Variants in HPSE2 observed in about 807,000 individuals in gnomAD.
HPSE2 encodes the protein heparanase 2 (inactive), also known as inactive heparanase-2.
A neutral mutation model predicts 60.5 loss-of-function variants in HPSE2; 38 were observed. The ratio of observed to expected loss-of-function variants is 0.63; its 90% confidence interval spans 0.48 to 0.82. The LOEUF is 0.82. HPSE2 is among the 40% of genes least tolerant of loss of function. The pLI is 0.00. For missense variants in HPSE2, 713 were observed against 740.4 expected (o/e 0.96, Z 0.43); for synonymous variants, 295 against 293.2 (o/e 1.01, Z -0.06).
chr10:98,731,718 C>T (rs1344164035), intron 4 of HPSE2, among the ~76,000 whole-genome samples: 1 of 152,130 alleles, frequency 6.6e-6, no homozygotes, highest in African/African-American at 2.4e-5. Context: ...AAGGAGAAGA[C>T]AAGGATGTCT....
intron 9 of HPSE2, among the ~76,000 whole-genome samples, chr10:98,578,867 A>G (rs1944711977): frequency 6.6e-6 from 1 of 152,078 alleles, no homozygotes; most frequent in African/African-American, 2.4e-5. Context: ...AGAAACTCTC[A>G]AAGCTCAGTT....
At chr10:98,475,120 A>AT (rs56097343) in intron 11 of HPSE2, among the ~76,000 whole-genome samples, 4,292 of 141,282 alleles carry the variant, frequency 0.03, 241 homozygotes, top group African/African-American at 0.1. Context: ...CCACAATTCT[A>AT]TTTTTTTTTT....
intron 3 of HPSE2, among the ~76,000 whole-genome samples, chr10:99,005,836 A>G (rs1956879539): frequency 6.6e-6 from 1 of 152,122 alleles, no homozygotes; most frequent in South Asian, 2.1e-4. Context: ...CAGTCCATCC[A>G]GAGATTCTGA....
intron 2 of HPSE2, among the ~76,000 whole-genome samples, chr10:99,153,059 C>T (rs182022254): frequency 7.1e-4 from 108 of 152,322 alleles, no homozygotes; most frequent in African/African-American, 2.4e-3. Flanking sequence ...TAAAAAACTG[C>T]GCACCACGAG....
intron 9 of HPSE2, among the ~76,000 whole-genome samples, chr10:98,521,759 A>G (rs750814196): frequency 1.1e-4 from 17 of 152,232 alleles, no homozygotes; most frequent in Non-Finnish European, 2.1e-4. Context: ...GATAGACTGG[A>G]TTAAGATATG....
intron 9 of HPSE2, among the ~76,000 whole-genome samples, chr10:98,589,753 CTA>C (rs1421257013): frequency 6.6e-6 from 1 of 152,150 alleles, no homozygotes; most frequent in Non-Finnish European, 1.5e-5. Context: ...TGCAAGTTAC[CTA>C]TATTCCCTTC....
At chr10:98,483,474 T>C (rs903465546) in intron 10 of HPSE2, among the ~76,000 whole-genome samples, 3 of 152,236 alleles carry the variant, frequency 2.0e-5, no homozygotes, top group Non-Finnish European at 4.4e-5. Flanking sequence ...TTTTGATTAT[T>C]TCTGATGGAT....
rs1467922080 is a variant in HPSE2 at position 98,938,817 on chromosome 10, G to A, written c.611-194761C>T. On this transcript the variant is annotated intron_variant, in intron 3 of 11. Transcript: ENST00000370552. ...CCAAAGTTGAAATGAAGGAAAAAATGTTAAGGGCAGACAGAGAGAAAGGTC... is the reference window on the plus strand; with the variant it reads ...CCAAAGTTGAAATGAAGGAAAAAATATTAAGGGCAGACAGAGAGAAAGGTC... Among the ~76,000 whole-genome samples the A allele has an allele frequency of 2.8e-5, 4 of 143,876 alleles. 1 individual carries two copies. The highest frequency in any genetic ancestry group is 1.1e-4 in the African/African-American group (4 of 35,314). 94.4% of individuals were successfully genotyped at this position (143,876 alleles called of 152,430 possible).
chr10:98,881,487 T>C (rs1953021640), intron 3 of HPSE2, among the ~76,000 whole-genome samples: 1 of 152,054 alleles, frequency 6.6e-6, no homozygotes, highest in South Asian at 2.1e-4. Flanking sequence ...AAATGATTGG[T>C]TACTTGATGG....
rs541503146 is a variant in HPSE2 at position 98,595,917 on chromosome 10, T to C, written c.1320+18987A>G. Among the ~76,000 whole-genome samples, 12 of 152,368 alleles carry C rather than the reference T, an allele frequency of 7.9e-5. No individual in the cohort carries two copies. The East Asian group carries it at 1.3e-3, about 17-fold the overall frequency. On this transcript the variant is annotated intron_variant, in intron 9 of 11. Transcript: ENST00000370552. ...TGAGAGTTTTCATCATGAAACAATG[T>C]TGAGTTTTGTCATATGCTTTTTCTA...
intron 3 of HPSE2, among the ~76,000 whole-genome samples, chr10:98,843,187 CCT>C (rs1462516602): frequency 6.6e-6 from 1 of 152,030 alleles, no homozygotes; most frequent in African/African-American, 2.4e-5. Flanking sequence ...TCTTCCTCCT[CCT>C]CCTCCCACCC....
At chr10:98,483,428 T>C (rs1941320050) in intron 10 of HPSE2, among the ~76,000 whole-genome samples, 1 of 152,238 alleles carries the variant, frequency 6.6e-6, no homozygotes, top group South Asian at 2.1e-4. Context: ...TGTTTGAACA[T>C]TTTTGCCATT....
rs910113288 is a variant in HPSE2, at chr10:98,938,455, G to A, written c.611-194399C>T. ...TACGTGAAGAATGCAGAAGCCTCAG[G>A]AGCCAATGTGATCAACTGGAAGAAA... On this transcript the variant is annotated intron_variant, in intron 3 of 11. Coordinates refer to ENST00000370552, the MANE Select transcript of HPSE2 (RefSeq NM_021828.5). 1.4e-5 allele frequency among the ~76,000 whole-genome samples: 2 copies of A among 144,042 alleles called. 1 individual carries two copies. The highest frequency in any genetic ancestry group is 3.0e-5 in the Non-Finnish European group (2 of 67,252). 94.5% of individuals were successfully genotyped at this position (144,042 alleles called of 152,430 possible).
At chr10:98,599,640 A>G (rs1945342612) in intron 9 of HPSE2, among the ~76,000 whole-genome samples, 1 of 152,142 alleles carries the variant, frequency 6.6e-6, no homozygotes, top group African/African-American at 2.4e-5. Context: ...CCTTCCCCCA[A>G]GTGCAGGGTA....
the HPSE2 span, among the ~76,000 whole-genome samples, chr10:99,307,632 A>G: frequency 6.6e-6 from 1 of 152,196 alleles, no homozygotes; most frequent in Non-Finnish European, 1.5e-5. Flanking sequence ...TATAGAGGAA[A>G]ATATCTATGG....
Position 98,484,665 on chromosome 10 carries a change from T to C in HPSE2, c.1467-1883A>G, listed in dbSNP as rs199934405. Reference sequence around the variant, plus strand: ...ACATTGTATTTTAATATATAAAAGTTAAAAAACTTTTATGTAGTCAAATTT... The same window carrying C: ...ACATTGTATTTTAATATATAAAAGTCAAAAAACTTTTATGTAGTCAAATTT... On this transcript the variant is annotated intron_variant, in intron 10 of 11. Coordinates refer to ENST00000370552, the MANE Select transcript of HPSE2 (RefSeq NM_021828.5). 1.1e-4 allele frequency among the ~76,000 whole-genome samples: 16 copies of C among 152,368 alleles called. No individual in the cohort carries two copies. In the East Asian group the frequency reaches 3.1e-3, roughly 29 times the overall value.
chr10:98,595,653 A>G (rs1945215010), intron 9 of HPSE2, among the ~76,000 whole-genome samples: 1 of 152,192 alleles, frequency 6.6e-6, no homozygotes, highest in Non-Finnish European at 1.5e-5. Flanking sequence ...GCAAAAAGGA[A>G]CAATTTAACT....
At chr10:98,990,676 T>C (rs1014937434) in intron 3 of HPSE2, among the ~76,000 whole-genome samples, 1 of 152,192 alleles carries the variant, frequency 6.6e-6, no homozygotes, top group Non-Finnish European at 1.5e-5. Flanking sequence ...GTCTTCCATC[T>C]CTAAAATGAA....
intron 3 of HPSE2, among the ~76,000 whole-genome samples, chr10:98,856,504 C>G (rs538227633): frequency 9.9e-4 from 151 of 151,878 alleles, no homozygotes; most frequent in African/African-American, 3.5e-3. Context: ...AAATGCATTA[C>G]ATAGAAAGAA....
Sources: gnomAD v4.1 joint callset for allele counts (sites outside exome capture counted in the v4.1 genomes callset) on GRCh38, gnomAD v4.1.1 for gene constraint, MANE v1.5 for transcripts, NCBI Gene and HGNC (gene_info 2026-07-23, HGNC 2026-07-21) for gene names.